Variants in MAN1A1 observed in about 807,000 individuals in gnomAD.
The protein encoded by MAN1A1 is mannosidase alpha class 1A member 1, also known as mannosyl-oligosaccharide 1,2-alpha-mannosidase IA.
A neutral mutation model predicts 70.8 loss-of-function variants in MAN1A1; 29 were observed. The observed-to-expected ratio is 0.41, with a 90% CI of 0.31 to 0.56. The LOEUF (loss-of-function observed/expected upper bound fraction) is 0.56. Ranked by LOEUF, MAN1A1 falls within the 20% of genes least tolerant of loss-of-function variation. The pLI, the probability that MAN1A1 is intolerant of heterozygous loss-of-function variation, is 0.29. For missense variants in MAN1A1, 747 were observed against 841.3 expected, an observed-to-expected ratio of 0.89 and a Z score of 1.39; for synonymous variants, 349 against 330.1, an observed-to-expected ratio of 1.06 and a Z score of -0.62.
At chr6:119,200,942 T>C (rs753110655) in intron 8 of MAN1A1, among the ~76,000 whole-genome samples, 17 of 152,146 alleles carry the variant, frequency 1.1e-4, no homozygotes, top group Non-Finnish European at 2.4e-4. Context: ...AAGGAATGAA[T>C]TTCCTTTCTA....
chr6:119,302,147 T>A, intron 3 of MAN1A1, 44 bp from the exon 4 acceptor site: 1 of 927,162 alleles, frequency 1.1e-6, no homozygotes, highest in Non-Finnish European at 1.7e-6. Context: ...TTTGCCTAGA[T>A]AAAATATATG....
chr6:119,336,637 C>T (rs916261540), intron 2 of MAN1A1, among the ~76,000 whole-genome samples: 97 of 152,052 alleles, frequency 6.4e-4, no homozygotes, highest in African/African-American at 2.3e-3. Context: ...AATAGAAAAC[C>T]AAGCTTCTTT....
chr6:119,197,708 TA>T (rs1773609338), intron 8 of MAN1A1, among the ~76,000 whole-genome samples: 1 of 151,784 alleles, frequency 6.6e-6, no homozygotes, highest in Non-Finnish European at 1.5e-5. Flanking sequence ...GATTGAAGAA[TA>T]AAAAAATAAG....
At chr6:119,296,291 T>A (rs1012365425) in intron 4 of MAN1A1, among the ~76,000 whole-genome samples, 1 of 152,158 alleles carries the variant, frequency 6.6e-6, no homozygotes, top group Non-Finnish European at 1.5e-5. Flanking sequence ...GGTTTTACCA[T>A]GCAGGTCCAG....
rs1562185886 is a variant in MAN1A1, at chr6:119,193,896, G to C, written c.1211-4C>G. 1 of 1,557,628 alleles carries C rather than the reference G, an allele frequency of 6.4e-7. No individual in the cohort carries two copies. The highest frequency in any genetic ancestry group is 2.3e-5 in the East Asian group (1 of 44,426). On this transcript the variant is annotated splice_polypyrimidine_tract_variant and splice_region_variant and intron_variant, in intron 8 of 12. Transcript: ENST00000368468. ...AGTCCTCCAACTGATACATGATCTGGAAAGAGAGGGAAATGAATTTTAGAG... is the reference window on the plus strand; with the variant it reads ...AGTCCTCCAACTGATACATGATCTGCAAAGAGAGGGAAATGAATTTTAGAG...
chr6:119,229,644 T>C (rs1774620964), intron 6 of MAN1A1, among the ~76,000 whole-genome samples: 1 of 152,232 alleles, frequency 6.6e-6, no homozygotes, highest in African/African-American at 2.4e-5. Flanking sequence ...TTAACAATAC[T>C]AGCACAGAAC....
chr6:119,301,864 G>C (rs866944505), intron 4 of MAN1A1, 124 bp downstream of exon 4: 1 of 597,356 alleles, frequency 1.7e-6, no homozygotes, highest in Non-Finnish European at 3.0e-6. Flanking sequence ...AATAGTATTT[G>C]TACTACCTAA....
intron 8 of MAN1A1, among the ~76,000 whole-genome samples, chr6:119,199,936 G>GA (rs533380926): frequency 1.1e-4 from 16 of 143,494 alleles, no homozygotes; most frequent in South Asian, 8.9e-4. Context: ...CCACAAAAAA[G>GA]AAAAAAAAAA....
chr6:119,185,253 TCA>T (rs1407668305), intron 11 of MAN1A1, among the ~76,000 whole-genome samples: 1 of 152,162 alleles, frequency 6.6e-6, no homozygotes, highest in Non-Finnish European at 1.5e-5. Context: ...TCAGGCAGAC[TCA>T]CAAGTGCTTG....
At chr6:119,266,739 A>T (rs1775765349) in intron 5 of MAN1A1, among the ~76,000 whole-genome samples, 1 of 152,196 alleles carries the variant, frequency 6.6e-6, no homozygotes. Context: ...AAATTTGACA[A>T]GCTGAGCTTC....
At chr6:119,268,873 G>A (rs1228338523) in intron 5 of MAN1A1, among the ~76,000 whole-genome samples, 1 of 152,142 alleles carries the variant, frequency 6.6e-6, no homozygotes, top group Non-Finnish European at 1.5e-5. Flanking sequence ...AAGCCAATGT[G>A]CCCGGCCCTC....
At chr6:119,272,146 G>C (rs1775942399) in intron 5 of MAN1A1, among the ~76,000 whole-genome samples, 1 of 152,076 alleles carries the variant, frequency 6.6e-6, no homozygotes, top group Non-Finnish European at 1.5e-5. Context: ...ATTTGCTTTG[G>C]ATAATTAAAA....
chr6:119,347,893 G>A (rs1459710060), intron 2 of MAN1A1, among the ~76,000 whole-genome samples: 1 of 152,252 alleles, frequency 6.6e-6, no homozygotes, highest in East Asian at 1.9e-4. Context: ...ACAAGAGGCA[G>A]CCGACTGGCT....
chr6:119,191,492 T>C (rs2299872), intron 9 of MAN1A1, among the ~76,000 whole-genome samples: 101,627 of 152,006 alleles, frequency 0.67, 35,708 homozygotes, highest in South Asian at 0.81. Flanking sequence ...CAAAGAAGGA[T>C]AGTCTTTAGT....
chr6:119,289,701 G>C (rs1317844461), intron 5 of MAN1A1, among the ~76,000 whole-genome samples: 1 of 151,928 alleles, frequency 6.6e-6, no homozygotes, highest in African/African-American at 2.4e-5. Flanking sequence ...AATCTAAACA[G>C]AGAGGAAATG....
chr6:119,239,393 A>G (rs1774942119), intron 6 of MAN1A1, among the ~76,000 whole-genome samples: 1 of 152,216 alleles, frequency 6.6e-6, no homozygotes, highest in Non-Finnish European at 1.5e-5. Flanking sequence ...ACTGCAATTA[A>G]TAATTCTTCA....
At chr6:119,210,082 T>C (rs1773999888) in intron 6 of MAN1A1, among the ~76,000 whole-genome samples, 1 of 152,190 alleles carries the variant, frequency 6.6e-6, no homozygotes, top group African/African-American at 2.4e-5. Context: ...TTTAGTTTAC[T>C]CTTGACTCGC....
chr6:119,335,454 A>T (rs767666361), intron 2 of MAN1A1, among the ~76,000 whole-genome samples: 1 of 152,262 alleles, frequency 6.6e-6, no homozygotes, highest in African/African-American at 2.4e-5. Context: ...TCACATTTAT[A>T]AAACATTTTG....
chr6:119,223,856 A>G lies in MAN1A1; in HGVS notation c.993-18974T>C, dbSNP rs188603259. 5.9e-5 allele frequency among the ~76,000 whole-genome samples: 9 copies of G among 152,250 alleles called. No individual in the cohort carries two copies. The East Asian group carries it at 7.7e-4, about 13-fold the overall frequency. On this transcript the variant is annotated intron_variant, in intron 6 of 12. Transcript: ENST00000368468. ...ATTATAAAATCTGGGCATTATATATATATATTATAAAACTCAACTATTTAA... is the reference window on the plus strand; with the variant it reads ...ATTATAAAATCTGGGCATTATATATGTATATTATAAAACTCAACTATTTAA...
Sources: allele counts gnomAD v4.1 joint callset (sites outside exome capture counted in the v4.1 genomes callset), GRCh38; gene constraint gnomAD v4.1.1; transcripts MANE v1.5; gene names NCBI Gene and HGNC (gene_info 2026-07-23, HGNC 2026-07-21).